The following DNAAF11 variants were observed in gnomAD, a reference collection of about 807,000 sequenced individuals.
The protein encoded by DNAAF11 is leucine rich repeat containing 6.
In DNAAF11, 45 loss-of-function variants were observed where a neutral mutation model predicts 60.8. The observed-to-expected ratio is 0.74, with a 90% CI of 0.58 to 0.95. The LOEUF is 0.95. Among genes scored for constraint, DNAAF11 ranks in the 40% least tolerant of loss-of-function variants. The pLI is 0.00. For synonymous variants in DNAAF11, 191 were observed against 183.5 expected (o/e 1.04, Z -0.33); for missense variants, 546 against 546.2 (o/e 1.00, Z 0.00).
In DNAAF11 at chr8:132,572,225, A is replaced by G; in HGVS notation, c.*81T>C. Reference sequence around the variant, plus strand: ...TGACAAATAACTCTGTGTTTATCCCAGGAATAATATGCATATGGTCTCTAC... The same window carrying G: ...TGACAAATAACTCTGTGTTTATCCCGGGAATAATATGCATATGGTCTCTAC... On this transcript the variant is annotated 3_prime_UTR_variant, in exon 12 of 12. Coordinates refer to ENST00000620350, the MANE Select transcript of DNAAF11 (RefSeq NM_012472.6). 7.9e-6 allele frequency: 9 copies of G among 1,141,138 alleles called. No homozygotes were observed. The highest frequency in any genetic ancestry group is 1.1e-5 in the Non-Finnish European group (9 of 806,512). 70.7% of individuals were successfully genotyped at this position (1,141,138 alleles called of 1,614,324 possible).
intron 3 of DNAAF11, among the ~76,000 whole-genome samples, chr8:132,651,400 C>T (rs923410519): frequency 2.0e-5 from 3 of 151,884 alleles, no homozygotes; most frequent in African/African-American, 7.3e-5. Context: ...TCCTCTGTCA[C>T]CTCAATCCCT....
intron 1 of DNAAF11, among the ~76,000 whole-genome samples, chr8:132,669,739 T>C (rs1824991742): frequency 6.6e-6 from 1 of 152,048 alleles, no homozygotes; most frequent in Admixed American, 6.5e-5. Flanking sequence ...AGCCTAAAAA[T>C]CTATACAAAA....
intron 3 of DNAAF11, among the ~76,000 whole-genome samples, chr8:132,656,515 A>G (rs1208954244): frequency 1.3e-5 from 2 of 152,212 alleles, no homozygotes; most frequent in Non-Finnish European, 2.9e-5. Flanking sequence ...GTTGTTGCTC[A>G]GGCTGGAGTG....
chr8:132,636,045 C>A (rs1821264039), intron 4 of DNAAF11, among the ~76,000 whole-genome samples: 1 of 151,842 alleles, frequency 6.6e-6, no homozygotes, highest in African/African-American at 2.4e-5. Flanking sequence ...CAAGATGATA[C>A]ATTTCTGTTG....
intron 5 of DNAAF11, among the ~76,000 whole-genome samples, chr8:132,629,666 C>T (rs902266539): frequency 8.6e-5 from 13 of 151,992 alleles, no homozygotes; most frequent in African/African-American, 2.7e-4. Context: ...ATTCTTAACG[C>T]TACTATTCCA....
At chr8:132,664,017 G>C (rs1051727779) in intron 1 of DNAAF11, among the ~76,000 whole-genome samples, 2 of 152,252 alleles carry the variant, frequency 1.3e-5, no homozygotes, top group African/African-American at 4.8e-5. Flanking sequence ...ACCATGCTCT[G>C]TCATAGAACT....
intron 1 of DNAAF11, 185 bp downstream of exon 1, chr8:132,675,299 C>G (rs1025656778): frequency 1.7e-6 from 1 of 572,828 alleles, no homozygotes; most frequent in Admixed American, 3.1e-5. Context: ...CCAGGCTGTC[C>G]GGCCAGTCTG....
chr8:132,592,440 T>C (rs1282325309), intron 10 of DNAAF11, among the ~76,000 whole-genome samples: 1 of 152,194 alleles, frequency 6.6e-6, no homozygotes, highest in Non-Finnish European at 1.5e-5. Flanking sequence ...TTCCTGGAAC[T>C]GTGAGTTGTT....
intron 11 of DNAAF11, among the ~76,000 whole-genome samples, chr8:132,574,105 G>C (rs569691616): frequency 6.6e-6 from 1 of 152,138 alleles, no homozygotes; most frequent in Non-Finnish European, 1.5e-5. Context: ...CAGATGCCTC[G>C]GTGCCACAAT....
intron 3 of DNAAF11, among the ~76,000 whole-genome samples, chr8:132,644,788 G>A (rs1822205494): frequency 6.6e-6 from 1 of 152,198 alleles, no homozygotes; most frequent in African/African-American, 2.4e-5. Context: ...CTGGGGGAGG[G>A]ACGTCCACCA....
chr8:132,652,982 A>T (rs1414618750), intron 3 of DNAAF11, among the ~76,000 whole-genome samples: 1 of 152,204 alleles, frequency 6.6e-6, no homozygotes, highest in Non-Finnish European at 1.5e-5. Context: ...TTGTAGATGG[A>T]CTGAACTATA....
At chr8:132,678,663 G>A (rs1170243496), upstream of DNAAF11, among the ~76,000 whole-genome samples, 1 of 151,972 alleles carries the variant, frequency 6.6e-6, no homozygotes, top group Admixed American at 6.6e-5. Flanking sequence ...GAGATTACAG[G>A]TGTGAGCTAC....
chr8:132,639,318 T>C (rs766599336), intron 3 of DNAAF11, among the ~76,000 whole-genome samples: 13 of 152,216 alleles, frequency 8.5e-5, no homozygotes, highest in Non-Finnish European at 1.6e-4. Context: ...GGGATTAACA[T>C]GGCAGATTTT....
chr8:132,636,710 C>T (rs558066255), intron 4 of DNAAF11, among the ~76,000 whole-genome samples: 1 of 152,298 alleles, frequency 6.6e-6, no homozygotes, highest in South Asian at 2.1e-4. Context: ...CTATGATAGT[C>T]TGGGTCTCAT....
the DNAAF11 span, among the ~76,000 whole-genome samples, chr8:132,700,650 T>C: frequency 5.5e-4 from 84 of 152,302 alleles, no homozygotes; most frequent in African/African-American, 1.9e-3. Context: ...ATTGTGCCTC[T>C]GCACTTGCAC....
At chr8:132,695,031 G>C in the DNAAF11 span, among the ~76,000 whole-genome samples, 3 of 152,212 alleles carry the variant, frequency 2.0e-5, no homozygotes, top group Non-Finnish European at 4.4e-5. Context: ...ATACTGCTAG[G>C]TCAAGTCAAC....
the DNAAF11 span, among the ~76,000 whole-genome samples, chr8:132,687,933 A>G: frequency 1.3e-5 from 2 of 152,212 alleles, no homozygotes; most frequent in South Asian, 4.1e-4. Flanking sequence ...AGGACATTAA[A>G]TTACCGCTAA....
intron 3 of DNAAF11, among the ~76,000 whole-genome samples, chr8:132,651,680 T>A (rs1383863859): frequency 2.0e-5 from 3 of 152,160 alleles, no homozygotes; most frequent in Admixed American, 6.5e-5. Flanking sequence ...ACAGAACTCA[T>A]ACGGTGTAAG....
intron 1 of DNAAF11, among the ~76,000 whole-genome samples, chr8:132,673,237 T>C (rs1825359365): frequency 2.0e-5 from 3 of 152,212 alleles, no homozygotes; most frequent in African/African-American, 4.8e-5. Context: ...TGATAGTTAC[T>C]GTGTGATTTA....
Sources: allele counts gnomAD v4.1 joint callset (sites outside exome capture counted in the v4.1 genomes callset), GRCh38; gene constraint gnomAD v4.1.1; transcripts MANE v1.5; gene names NCBI Gene and HGNC (gene_info 2026-07-23, HGNC 2026-07-21).